The following PTPRD variants were observed in gnomAD, a reference collection of about 807,000 sequenced individuals.
PTPRD encodes protein tyrosine phosphatase receptor type D, also known as receptor-type tyrosine-protein phosphatase delta.
In PTPRD, 34 loss-of-function variants were observed where a neutral mutation model predicts 214.5. The ratio of observed to expected loss-of-function variants is 0.16; its 90% CI spans 0.12 to 0.21. The LOEUF is 0.21. PTPRD is among the 10% of genes least tolerant of loss of function. The pLI is 1.00. For synonymous variants in PTPRD, 1,128 were observed against 845.7 expected, an observed-to-expected ratio of 1.33 and a Z score of -5.79; for missense variants, 2,545 against 2,398.7, an observed-to-expected ratio of 1.06 and a Z score of -1.27.
At chr9:10,433,305 C>T (rs1588095813) in intron 2 of PTPRD, among the ~76,000 whole-genome samples, 2 of 151,928 alleles carry the variant, frequency 1.3e-5, no homozygotes, top group South Asian at 2.1e-4. Context: ...TTGAGATACA[C>T]GCTGTCATCT....
At chr9:9,258,431 T>TAA (rs5896313) in intron 9 of PTPRD, among the ~76,000 whole-genome samples, 1 of 145,528 alleles carries the variant, frequency 6.9e-6, no homozygotes, top group African/African-American at 2.5e-5. Flanking sequence ...TTCTATTAAA[T>TAA]AAAAAAAAAA....
intron 5 of PTPRD, among the ~76,000 whole-genome samples, chr9:9,891,585 G>T (rs2073349547): frequency 6.6e-6 from 1 of 152,034 alleles, no homozygotes; most frequent in African/African-American, 2.4e-5. Context: ...ATTTTTGAAT[G>T]CTGATACAGG....
chr9:9,272,861 A>C (rs1943493952), intron 9 of PTPRD, among the ~76,000 whole-genome samples: 1 of 151,298 alleles, frequency 6.6e-6, no homozygotes, highest in South Asian at 2.1e-4. Context: ...GAGCTCAAAG[A>C]AGTGCCCTGA....
chr9:10,174,992 T>C (rs2099238044), intron 3 of PTPRD, among the ~76,000 whole-genome samples: 1 of 152,110 alleles, frequency 6.6e-6, no homozygotes, highest in Non-Finnish European at 1.5e-5. Context: ...TATTATTAAA[T>C]ACATTTCTTA....
intron 8 of PTPRD, among the ~76,000 whole-genome samples, chr9:9,426,363 G>A (rs2080920467): frequency 6.6e-6 from 1 of 152,168 alleles, no homozygotes; most frequent in Non-Finnish European, 1.5e-5. Context: ...CTTGGGGATG[G>A]GCGCCCACCA....
At chr9:9,003,825 C>T (rs1230946016) in intron 11 of PTPRD, among the ~76,000 whole-genome samples, 1 of 152,066 alleles carries the variant, frequency 6.6e-6, no homozygotes, top group Non-Finnish European at 1.5e-5. Context: ...TTAGTAAAAT[C>T]AGAAAACTCG....
At chr9:8,713,243 C>T in intron 12 of PTPRD, 1 of 628,222 alleles carries the variant, frequency 1.6e-6, no homozygotes, top group South Asian at 1.9e-5. Flanking sequence ...AACTGAGTCT[C>T]CAATTGTCCA....
intron 2 of PTPRD, among the ~76,000 whole-genome samples, chr9:10,473,551 T>C (rs755872043): frequency 5.3e-5 from 8 of 152,138 alleles, no homozygotes; most frequent in Non-Finnish European, 8.8e-5. Flanking sequence ...TATGTGTTTG[T>C]ATGGAATTGT....
At chr9:9,087,971 T>C (rs868167048) in intron 10 of PTPRD, among the ~76,000 whole-genome samples, 45 of 129,474 alleles carry the variant, frequency 3.5e-4, no homozygotes, top group African/African-American at 1.3e-3. Context: ...AACCTCCACC[T>C]TCCAGGTTCA....
intron 35 of PTPRD, among the ~76,000 whole-genome samples, chr9:8,432,790 G>T (rs1440637851): frequency 6.6e-6 from 1 of 152,112 alleles, no homozygotes; most frequent in Non-Finnish European, 1.5e-5. Flanking sequence ...GCCGGTTAAG[G>T]CACAGTAGAG....
At chr9:9,951,393 C>A (rs1201306648) in intron 4 of PTPRD, among the ~76,000 whole-genome samples, 1 of 152,172 alleles carries the variant, frequency 6.6e-6, no homozygotes, top group African/African-American at 2.4e-5. Context: ...TAAACACCAT[C>A]TAGCCTTAAT....
chr9:9,211,840 T>C (rs994488329), intron 9 of PTPRD, among the ~76,000 whole-genome samples: 3 of 152,052 alleles, frequency 2.0e-5, no homozygotes, highest in African/African-American at 7.2e-5. Context: ...AAGAACTTTA[T>C]TTTCAGCCAG....
intron 10 of PTPRD, among the ~76,000 whole-genome samples, chr9:9,070,750 T>G (rs567906109): frequency 6.6e-5 from 10 of 152,218 alleles, no homozygotes; most frequent in Non-Finnish European, 1.5e-4. Flanking sequence ...ATCTTAATAA[T>G]TTTTTAGTTC....
intron 8 of PTPRD, among the ~76,000 whole-genome samples, chr9:9,523,056 T>C (rs1407410436): frequency 1.3e-5 from 2 of 152,162 alleles, no homozygotes; most frequent in Non-Finnish European, 2.9e-5. Flanking sequence ...TCATAATTTA[T>C]TTATGTTGTT....
At chr9:8,749,705 T>G (rs2154460384) in intron 11 of PTPRD, among the ~76,000 whole-genome samples, 1 of 152,232 alleles carries the variant, frequency 6.6e-6, no homozygotes, top group Non-Finnish European at 1.5e-5. Context: ...ACACAAACAG[T>G]GTTTGTGCTT....
intron 9 of PTPRD, among the ~76,000 whole-genome samples, chr9:9,384,526 T>G (rs761841685): frequency 2.4e-4 from 37 of 151,740 alleles, no homozygotes; most frequent in Non-Finnish European, 4.6e-4. Flanking sequence ...TTATTTAACT[T>G]GTAAAATATG....
At chr9:9,389,704 G>T (rs1304702526) in intron 9 of PTPRD, among the ~76,000 whole-genome samples, 2 of 152,112 alleles carry the variant, frequency 1.3e-5, no homozygotes, top group African/African-American at 4.8e-5. Flanking sequence ...AGTCATTCTA[G>T]CAACAGCTAA....
At chr9:9,389,757 G>A (rs2065152264) in intron 9 of PTPRD, among the ~76,000 whole-genome samples, 2 of 152,190 alleles carry the variant, frequency 1.3e-5, no homozygotes, top group African/African-American at 4.8e-5. Context: ...TCATTTACTT[G>A]TTTATTTCTA....
intron 10 of PTPRD, among the ~76,000 whole-genome samples, chr9:9,166,886 A>T (rs1462432672): frequency 6.6e-6 from 1 of 152,210 alleles, no homozygotes; most frequent in Non-Finnish European, 1.5e-5. Context: ...TATAAGAGTC[A>T]TATAGCTGGA....
Sources: gnomAD v4.1 joint callset for allele counts (sites outside exome capture counted in the v4.1 genomes callset) on GRCh38, gnomAD v4.1.1 for gene constraint, MANE v1.5 for transcripts, NCBI Gene and HGNC (gene_info 2026-07-23, HGNC 2026-07-21) for gene names.